DPP6: variants seen among roughly 807,000 people sequenced by gnomAD.
DPP6 encodes the protein dipeptidyl peptidase like 6.
A neutral mutation model predicts 122.6 loss-of-function variants in DPP6; 69 were observed. The observed-to-expected ratio is 0.56, with a 90% CI of 0.46 to 0.69. The LOEUF is 0.69. Among genes scored for constraint, DPP6 ranks in the 30% least tolerant of loss-of-function variants. The pLI is 0.00. For missense variants in DPP6, 928 were observed against 1,116.9 expected, an observed-to-expected ratio of 0.83 and a Z score of 2.41; for synonymous variants, 418 against 433.1, an observed-to-expected ratio of 0.97 and a Z score of 0.43.
intron 16 of DPP6, among the ~76,000 whole-genome samples, chr7:154,835,880 A>C (rs1352053274): frequency 6.6e-6 from 1 of 152,212 alleles, no homozygotes; most frequent in Non-Finnish European, 1.5e-5. Flanking sequence ...CTCAGAATCA[A>C]TGAAAAGGAA....
In DPP6 at chr7:154,393,753, CTT is replaced by C. The variant is rs1247663515; in HGVS notation, c.244-52458_244-52457del. On this transcript the variant is annotated intron_variant, in intron 1 of 25. Transcript: ENST00000377770. ...ATTACCACCATCTATCTCTGCAACTCTTTTCATTTTGTGTAGCTGAAACTCTG... is the reference window on the plus strand; with the variant it reads ...ATTACCACCATCTATCTCTGCAACTCTTCATTTTGTGTAGCTGAAACTCTG... Among the ~76,000 whole-genome samples, 5 of 152,194 alleles carry C rather than the reference CTT, an allele frequency of 3.3e-5. No homozygotes were observed. The South Asian group carries it at 1.0e-3, about 32-fold the overall frequency.
chr7:153,882,606 A>C (rs1798784555), upstream of DPP6, among the ~76,000 whole-genome samples: 1 of 152,268 alleles, frequency 6.6e-6, no homozygotes, highest in Non-Finnish European at 1.5e-5. Context: ...TAATGCCAGC[A>C]GTACATAAAT....
chr7:153,791,212 ACTACGT>A, the DPP6 span, among the ~76,000 whole-genome samples: 1 of 152,134 alleles, frequency 6.6e-6, no homozygotes, highest in African/African-American at 2.4e-5. Flanking sequence ...GAAAAGACTG[ACTACGT>A]CTATATCATG....
At chr7:154,819,832 G>A (rs117119455) in intron 16 of DPP6, among the ~76,000 whole-genome samples, 249 of 152,302 alleles carry the variant, frequency 1.6e-3, no homozygotes, top group Admixed American at 4.4e-3. Flanking sequence ...TAACATAATT[G>A]GCAAAAGACA....
At chr7:153,915,435 G>A (rs1357262609) in intron 1 of DPP6, among the ~76,000 whole-genome samples, 2 of 152,254 alleles carry the variant, frequency 1.3e-5, no homozygotes, top group Middle Eastern at 3.4e-3. Context: ...GAAATGGAAC[G>A]AGGTTTCCTA....
At chr7:154,150,581 C>T (rs1796360965) in intron 1 of DPP6, among the ~76,000 whole-genome samples, 1 of 152,186 alleles carries the variant, frequency 6.6e-6, no homozygotes, top group African/African-American at 2.4e-5. Flanking sequence ...GCCAAGTCTC[C>T]AAAGAATAGG....
At chr7:154,322,051 A>G (rs889071939) in intron 1 of DPP6, among the ~76,000 whole-genome samples, 1 of 40,988 alleles carries the variant, frequency 2.4e-5, no homozygotes, top group Non-Finnish European at 5.0e-5. Context: ...CCCAACCCCC[A>G]ACCCCCAACC....
Position 154,853,809 on chromosome 7 carries a change from A to G in DPP6, c.1696A>G (p.Asn566Asp), listed in dbSNP as rs1368770047. Residue 566 changes from asparagine (N) to aspartate (D), a missense_variant, in exon 17 of 26, where the codon AAC (asparagine) becomes GAC (aspartate). Transcript: ENST00000377770. ...TGGTGTTCCTATGGTGACGGTGCAC[A>G]ACACAACAGATAAGAAAAGTAAGTG... Reference protein sequence around the residue: ...GPGVPMVTVHNTTDKKKMFDL... With the variant: ...GPGVPMVTVHDTTDKKKMFDL... 1.2e-6 allele frequency: 2 copies of G among 1,613,916 alleles called. No homozygotes were observed. Among genetic ancestry groups the G allele is most frequent in the Non-Finnish European group, 8.5e-7 (1 of 1,179,848 alleles).
intron 1 of DPP6, among the ~76,000 whole-genome samples, chr7:153,936,352 C>T (rs1445564290): frequency 6.6e-6 from 1 of 152,102 alleles, no homozygotes; most frequent in South Asian, 2.1e-4. Context: ...ATGGCTGGAG[C>T]GGCCAGGATG....
chr7:154,783,220 A>T (rs1032398860), intron 10 of DPP6, among the ~76,000 whole-genome samples: 6 of 152,018 alleles, frequency 3.9e-5, no homozygotes, highest in Non-Finnish European at 8.8e-5. Flanking sequence ...TCGCATCCCC[A>T]TAGCTGTCCT....
chr7:154,322,868 T>A (rs534416333), intron 1 of DPP6, among the ~76,000 whole-genome samples: 2 of 152,192 alleles, frequency 1.3e-5, no homozygotes, highest in African/African-American at 2.4e-5. Flanking sequence ...CCTGTACTTA[T>A]ATCACACAAC....
rs558501120 is a variant in DPP6 at position 154,846,403 on chromosome 7, A to G, written c.1667-7377A>G. ...TGACCTTTCAACCAGGATCCTAGAA[A>G]GAAGACGCATCCTGGAGGATAGCCC... On this transcript the variant is annotated intron_variant, in intron 16 of 25. Transcript: ENST00000377770. 1.0e-3 allele frequency among the ~76,000 whole-genome samples: 153 copies of G among 152,250 alleles called. 2 individuals are homozygous for G. Among genetic ancestry groups the G allele is most frequent in the Non-Finnish European group, 1.9e-3 (127 of 68,014 alleles).
intron 5 of DPP6, among the ~76,000 whole-genome samples, chr7:154,595,878 G>A (rs1432597527): frequency 6.6e-6 from 1 of 152,126 alleles, no homozygotes; most frequent in African/African-American, 2.4e-5. Flanking sequence ...GGCCAACATG[G>A]TGAAACCCTG....
At chr7:153,767,344 G>A in the DPP6 span, among the ~76,000 whole-genome samples, 1 of 151,888 alleles carries the variant, frequency 6.6e-6, no homozygotes, top group African/African-American at 2.4e-5. Flanking sequence ...TTATGTGTTA[G>A]CCAACTTTCA....
the DPP6 span, among the ~76,000 whole-genome samples, chr7:153,792,235 A>G: frequency 6.6e-6 from 1 of 152,198 alleles, no homozygotes; most frequent in Non-Finnish European, 1.5e-5. Flanking sequence ...TTCCATTTCC[A>G]TATGAATTTT....
intron 1 of DPP6, among the ~76,000 whole-genome samples, chr7:153,991,418 A>G (rs1585143137): frequency 6.6e-6 from 1 of 152,192 alleles, no homozygotes; most frequent in South Asian, 2.1e-4. Context: ...TATTCATGCA[A>G]AGCTATACAA....
chr7:153,768,873 G>T, the DPP6 span, among the ~76,000 whole-genome samples: 1 of 152,080 alleles, frequency 6.6e-6, no homozygotes, highest in Non-Finnish European at 1.5e-5. Flanking sequence ...TCAGACCTGG[G>T]CTTAACACCC....
chr7:154,783,216 C>A (rs1402587481), intron 10 of DPP6, among the ~76,000 whole-genome samples: 2 of 152,174 alleles, frequency 1.3e-5, no homozygotes, highest in South Asian at 2.1e-4. Flanking sequence ...GGCCTCGCAT[C>A]CCCATAGCTG....
intron 1 of DPP6, among the ~76,000 whole-genome samples, chr7:154,359,990 G>A (rs1048368178): frequency 1.4e-4 from 22 of 152,162 alleles, no homozygotes; most frequent in Admixed American, 1.2e-3. Context: ...CCGGAGGACC[G>A]CATGCAGGGG....
Sources: allele counts gnomAD v4.1 joint callset (sites outside exome capture counted in the v4.1 genomes callset), GRCh38; gene constraint gnomAD v4.1.1; transcripts MANE v1.5; gene names NCBI Gene and HGNC (gene_info 2026-07-23, HGNC 2026-07-21).